Variants in ERI1 observed in about 807,000 individuals in gnomAD.
The protein encoded by ERI1 is 3'-5' exoribonuclease 1.
In ERI1, 39 loss-of-function variants were observed where a neutral mutation model predicts 39.7. The observed-to-expected ratio is 0.98, with a 90% CI of 0.76 to 1.28. The LOEUF is 1.28. Ranked by LOEUF, ERI1 falls within the 50% of genes most tolerant of loss-of-function variation. ERI1 has a pLI of 0.00. For synonymous variants in ERI1, 204 were observed against 149.6 expected, an observed-to-expected ratio of 1.36 and a Z score of -2.65; for missense variants, 581 against 416.9, an observed-to-expected ratio of 1.39 and a Z score of -3.43.
intron 3 of ERI1, among the ~76,000 whole-genome samples, chr8:9,041,317 G>C (rs1798009783): frequency 2.0e-5 from 3 of 152,256 alleles, no homozygotes; most frequent in African/African-American, 7.2e-5. Flanking sequence ...TCTCCCAAGA[G>C]AGAATACAAG....
intron 3 of ERI1, among the ~76,000 whole-genome samples, chr8:9,088,923 C>T (rs1379766335): frequency 6.6e-6 from 1 of 152,212 alleles, no homozygotes; most frequent in Non-Finnish European, 1.5e-5. Flanking sequence ...CTACGTGCTC[C>T]TCCTACCCTG....
chr8:9,007,580 C>T (rs1212050160), intron 1 of ERI1, among the ~76,000 whole-genome samples: 1 of 152,114 alleles, frequency 6.6e-6, no homozygotes, highest in Non-Finnish European at 1.5e-5. Context: ...CACTATTTAC[C>T]ATTACCAAAT....
intron 2 of ERI1, among the ~76,000 whole-genome samples, chr8:9,009,908 T>C (rs913600679): frequency 3.9e-5 from 6 of 152,190 alleles, no homozygotes; most frequent in East Asian, 1.9e-4. Flanking sequence ...AGTGAAATGA[T>C]AGGTTGTAGC....
chr8:9,035,020 T>C (rs1038336608), downstream of ERI1, among the ~76,000 whole-genome samples: 18 of 152,172 alleles, frequency 1.2e-4, no homozygotes, highest in African/African-American at 4.3e-4. Flanking sequence ...AGACTGTAAC[T>C]GTCTCATATT....
rs569955279 is a variant in ERI1, at chr8:9,078,594, C to A, written n.300-37754C>A. On this transcript the variant is annotated intron_variant and non_coding_transcript_variant, in intron 3 of 3. Coordinates refer to the ERI1 transcript ENST00000518663. ...AGATTTTCAAATTCTGAAGTGCTAC[C>A]CAGATCAAAAGAGGGTTTTATCCAT... 4.6e-5 allele frequency among the ~76,000 whole-genome samples: 7 copies of A among 152,116 alleles called. No homozygotes were observed. The South Asian group carries it at 1.2e-3, about 27-fold the overall frequency.
intron 3 of ERI1, among the ~76,000 whole-genome samples, chr8:9,015,477 C>T (rs939569374): frequency 6.6e-6 from 1 of 151,968 alleles, no homozygotes; most frequent in African/African-American, 2.4e-5. Context: ...ACTTAGTTTA[C>T]AGAGTTGTGA....
At chr8:9,024,529 T>A (rs921317397) in intron 6 of ERI1, among the ~76,000 whole-genome samples, 1 of 152,106 alleles carries the variant, frequency 6.6e-6, no homozygotes, top group Non-Finnish European at 1.5e-5. Flanking sequence ...CAATCAATTC[T>A]CCTGCCTCAG....
chr8:9,012,415 C>G (rs533823959), intron 3 of ERI1, among the ~76,000 whole-genome samples: 1 of 152,332 alleles, frequency 6.6e-6, no homozygotes, highest in East Asian at 1.9e-4. Context: ...CCTAACATCT[C>G]AACTTTCCAA....
chr8:9,037,584 T>G (rs1030291489), downstream of ERI1, among the ~76,000 whole-genome samples: 1 of 151,906 alleles, frequency 6.6e-6, no homozygotes, highest in Non-Finnish European at 1.5e-5. Context: ...TAAGACACAA[T>G]GGGTGCTTAG....
At chr8:9,075,907 C>T (rs971021589) in intron 3 of ERI1, among the ~76,000 whole-genome samples, 7 of 151,924 alleles carry the variant, frequency 4.6e-5, no homozygotes, top group South Asian at 2.1e-4. Flanking sequence ...CAAAGTGTTG[C>T]GATTACAGGG....
At position 9,081,198 on chromosome 8, in the gene ERI1, C is replaced by A. The variant is rs570807132; in HGVS notation, n.300-35150C>A. Among the ~76,000 whole-genome samples the A allele has an allele frequency of 7.9e-5, 12 of 152,290 alleles. No individual in the cohort carries two copies. The South Asian group carries it at 2.5e-3, about 32-fold the overall frequency. On this transcript the variant is annotated intron_variant and non_coding_transcript_variant, in intron 3 of 3. Coordinates refer to the ERI1 transcript ENST00000518663. ...GCCTGAAGGAAACCACCCATGTGAT[C>A]CAATCACCTCCCACCAGGACCCTCT...
rs1168091086 is a variant in ERI1, at chr8:9,032,502, A to T, written c.*2468A>T. On this transcript the variant is annotated 3_prime_UTR_variant, in exon 7 of 7. Transcript: ENST00000250263. Reference sequence around the variant, plus strand: ...TTGCTCTGAAAAAAATGTTTTTGTGATGTGTCTTTGTTGCCTTGAGATAGA... The same window carrying T: ...TTGCTCTGAAAAAAATGTTTTTGTGTTGTGTCTTTGTTGCCTTGAGATAGA... 1.3e-5 allele frequency: 2 copies of T among 152,088 alleles called. No individual in the cohort carries two copies. Among genetic ancestry groups the T allele is most frequent in the African/African-American group, 4.8e-5 (2 of 41,406 alleles). 9.4% of individuals were successfully genotyped at this position (152,088 alleles called of 1,614,324 possible). A position where few individuals can be genotyped will look rare whatever the true frequency, so the allele number is the denominator to read the frequency against.
Position 9,030,345 on chromosome 8 carries a change from C to T in ERI1, c.*311C>T, listed in dbSNP as rs575832868. 1 of 287,730 alleles carries T rather than the reference C, an allele frequency of 3.5e-6. No homozygotes were observed. Among genetic ancestry groups the T allele is most frequent in the Admixed American group, 4.5e-5 (1 of 22,284 alleles). 17.8% of individuals were successfully genotyped at this position (287,730 alleles called of 1,614,324 possible). On this transcript the variant is annotated 3_prime_UTR_variant, in exon 7 of 7. Coordinates refer to ENST00000250263, the MANE Select transcript of ERI1 (RefSeq NM_153332.4). ...GTTTTAAAATGCAAAATCTTATTGG[C>T]TGTTCTGTTGAATGTCATATCTTAC...
At chr8:9,068,880 A>G (rs1295339125) in intron 3 of ERI1, among the ~76,000 whole-genome samples, 1 of 152,100 alleles carries the variant, frequency 6.6e-6, no homozygotes, top group Non-Finnish European at 1.5e-5. Flanking sequence ...ACAGTGGTGC[A>G]GTCATGGCTG....
chr8:9,047,991 G>C (rs1313854731), intron 3 of ERI1, among the ~76,000 whole-genome samples: 1 of 152,224 alleles, frequency 6.6e-6, no homozygotes, highest in East Asian at 1.9e-4. Flanking sequence ...GGAAATGAAA[G>C]TCAACTCTCT....
At chr8:9,021,659 C>A (rs1177417931) in intron 6 of ERI1, among the ~76,000 whole-genome samples, 2 of 151,288 alleles carry the variant, frequency 1.3e-5, no homozygotes, top group Admixed American at 1.3e-4. Flanking sequence ...TAATCATTTT[C>A]TTATTATTCC....
chr8:9,018,450 G>A lies in ERI1; in HGVS notation c.692+44G>A, dbSNP rs538930766. On this transcript the variant is annotated intron_variant, in intron 5 of 6. Transcript: ENST00000250263. Reference sequence around the variant, plus strand: ...TATTTTTTTATATCTACTTTTTAAAGATTAAAGATACCCTTATTTATCTGA... The same window carrying A: ...TATTTTTTTATATCTACTTTTTAAAAATTAAAGATACCCTTATTTATCTGA... 13 of 1,093,412 alleles carry A rather than the reference G, an allele frequency of 1.2e-5. No homozygotes were observed. The African/African-American group carries it at 1.7e-4, about 15-fold the overall frequency. 67.7% of individuals were successfully genotyped at this position (1,093,412 alleles called of 1,614,324 possible). A position where few individuals can be genotyped will look rare whatever the true frequency, so the allele number is the denominator to read the frequency against.
Position 9,031,123 on chromosome 8 carries a change from G to C in ERI1, c.*1089G>C, listed in dbSNP as rs1017310611. ...TCAGAATTGAATTTTTCTCCTTGTA[G>C]CTTTCAGGGAACAATTTCATTGACA... On this transcript the variant is annotated 3_prime_UTR_variant, in exon 7 of 7. Transcript: ENST00000250263. 1.3e-5 allele frequency: 2 copies of C among 152,092 alleles called. No homozygotes were observed. Among genetic ancestry groups the C allele is most frequent in the African/African-American group, 2.4e-5 (1 of 41,420 alleles). The allele number at this position is 152,092 out of a possible 1,614,324, so 9.4% of individuals were successfully genotyped here. A position where few individuals can be genotyped will look rare whatever the true frequency, so the allele number is the denominator to read the frequency against.
chr8:9,073,188 G>T (rs1799108922), intron 3 of ERI1, among the ~76,000 whole-genome samples: 1 of 152,202 alleles, frequency 6.6e-6, no homozygotes, highest in East Asian at 1.9e-4. Context: ...CTTTGTCCTT[G>T]ATTTTGGAAG....
Sources: gnomAD v4.1 joint callset for allele counts (sites outside exome capture counted in the v4.1 genomes callset) on GRCh38, gnomAD v4.1.1 for gene constraint, MANE v1.5 for transcripts, NCBI Gene and HGNC (gene_info 2026-07-23, HGNC 2026-07-21) for gene names.